The following PTK7 variants were observed in gnomAD, a reference collection of about 807,000 sequenced individuals.
PTK7 encodes the protein protein tyrosine kinase 7 (inactive), also known as inactive tyrosine-protein kinase 7.
PTK7 carries 39 observed loss-of-function variants against 116.6 expected under a neutral mutation model. The ratio of observed to expected loss-of-function variants is 0.33; its 90% CI spans 0.26 to 0.44. PTK7 has a LOEUF of 0.44. Among genes scored for constraint, PTK7 ranks in the 20% least tolerant of loss-of-function variants. The probability of loss-of-function intolerance (pLI) is 1.00; values close to 1 mark genes in which losing one functional copy is unlikely to be tolerated. For synonymous variants in PTK7, 546 were observed against 563.6 expected, an observed-to-expected ratio of 0.97 and a Z score of 0.44; for missense variants, 1,169 against 1,425.6, an observed-to-expected ratio of 0.82 and a Z score of 2.90.
Position 43,141,511 on chromosome 6 carries a change from G to A in PTK7, c.1619-157G>A, listed in dbSNP as rs1239378897. On this transcript the variant is annotated intron_variant, in intron 10 of 19. Transcript: ENST00000230419. The surrounding 1 kb of genome is among the most constrained non-coding windows in gnomAD (Gnocchi z 4.9). ...AAGAATTGGAAGAGGGGTAAATAAC[G>A]GAGGGGCTTCTAACACTTGGCTCAG... Among the ~76,000 whole-genome samples, 2 of 152,244 alleles carry A rather than the reference G, an allele frequency of 1.3e-5. No homozygotes were observed. The highest frequency in any genetic ancestry group is 4.8e-5 in the African/African-American group (2 of 41,544).
intron 1 of PTK7, among the ~76,000 whole-genome samples, chr6:43,081,438 C>T (rs1176212017): frequency 6.6e-6 from 1 of 152,062 alleles, no homozygotes; most frequent in African/African-American, 2.4e-5. Flanking sequence ...TGGAGTCTGC[C>T]TGTGTCTCCC....
chr6:43,082,299 C>A (rs1561929981), intron 1 of PTK7, among the ~76,000 whole-genome samples: 1 of 152,176 alleles, frequency 6.6e-6, no homozygotes. Context: ...CCTCAGCCTC[C>A]TGAGCAGCTG....
At chr6:43,082,083 A>G (rs1448040494) in intron 1 of PTK7, among the ~76,000 whole-genome samples, 1 of 152,222 alleles carries the variant, frequency 6.6e-6, no homozygotes, top group Admixed American at 6.5e-5. Context: ...GTAGGGGCCT[A>G]GAGTATCTAT....
chr6:43,155,341 A>G (rs937988777), intron 17 of PTK7, among the ~76,000 whole-genome samples: 1 of 152,130 alleles, frequency 6.6e-6, no homozygotes, highest in African/African-American at 2.4e-5. Context: ...GCATTAATAC[A>G]TACTTTTAAA....
intron 17 of PTK7, among the ~76,000 whole-genome samples, chr6:43,152,049 A>G (rs1042244425): frequency 1.3e-5 from 2 of 150,640 alleles, no homozygotes; most frequent in Admixed American, 1.3e-4. Context: ...GGGTTTCATC[A>G]TGTTAGCCAG....
intron 10 of PTK7, among the ~76,000 whole-genome samples, chr6:43,140,231 G>A (rs1008136906): frequency 1.2e-4 from 19 of 152,100 alleles, no homozygotes; most frequent in Admixed American, 2.0e-4. Context: ...GGTGGATCAC[G>A]AGGTCATGAG....
chr6:43,116,604 TTGTGTG>T (rs751605217), intron 1 of PTK7, among the ~76,000 whole-genome samples: 6,256 of 119,058 alleles, frequency 0.053, 166 homozygotes, highest in African/African-American at 0.066. Flanking sequence ...AAAAGCTGGT[TTGTGTG>T]TGTGTGTGTG....
chr6:43,143,426 T>G lies in PTK7; in HGVS notation c.2057T>G (p.Val686Gly). ...EAPLYVVDKPVPEESEGPGSP... is the reference protein window; with the variant it reads ...EAPLYVVDKPGPEESEGPGSP... ...TCTGTGTGTCTCTCAGACAAGCCTG[T>G]GCCGGAGGAGTCGGAGGGCCCTGGC... The change falls in exon 14 of 20, where the codon GTG becomes GGG. Residue 686 changes from valine (V) to glycine (G), a missense_variant. By Grantham distance (109) the Val-to-Gly change is moderately radical. Around this residue, in one of 3 missense-constraint regions of PTK7, gnomAD observed 678 missense variants for 853.8 expected, o/e 0.79. Coordinates refer to ENST00000230419, the MANE Select transcript of PTK7 (RefSeq NM_002821.5). This position sits in a 1 kb window ranked among gnomAD's most constrained non-coding sequence, Gnocchi z 4.2. 1 of 1,613,902 alleles carries G rather than the reference T, an allele frequency of 6.2e-7. No individual in the cohort carries two copies. Among genetic ancestry groups the G allele is most frequent in the South Asian group, 1.1e-5 (1 of 91,076 alleles).
intron 13 of PTK7, chr6:43,142,501 C>CA: frequency 1.2e-6 from 1 of 819,150 alleles, no homozygotes; most frequent in South Asian, 1.5e-5. Context: ...ATCCAACGGT[C>CA]GGTGTGTGTG....
At chr6:43,113,593 G>A (rs1324699299) in intron 1 of PTK7, among the ~76,000 whole-genome samples, 2 of 152,140 alleles carry the variant, frequency 1.3e-5, no homozygotes, top group Non-Finnish European at 2.9e-5. Flanking sequence ...TCAGAGCCCG[G>A]GCCTGGCCCT....
chr6:43,107,817 C>T (rs879066203), intron 1 of PTK7, among the ~76,000 whole-genome samples: 1 of 152,172 alleles, frequency 6.6e-6, no homozygotes, highest in South Asian at 2.1e-4. Context: ...ACAAATCGGC[C>T]GATATTTCCT....
rs558942383 is a variant in PTK7 at position 43,136,785 on chromosome 6, G to A, written c.1229-2064G>A. Among the ~76,000 whole-genome samples the A allele has an allele frequency of 2.0e-3, 299 of 152,208 alleles. 2 individuals carry two copies. The highest frequency in any genetic ancestry group is 3.6e-3 in the Non-Finnish European group (242 of 68,006). ...GGAGGCCAAGGTGGGAGGACTGCTT[G>A]AGCCTAGGAGTTTGAGACCAGCCTG... On this transcript the variant is annotated intron_variant, in intron 7 of 19. Transcript: ENST00000230419.
intron 17 of PTK7, among the ~76,000 whole-genome samples, chr6:43,151,465 G>C (rs1771077706): frequency 6.6e-6 from 1 of 151,348 alleles, no homozygotes; most frequent in Non-Finnish European, 1.5e-5. Context: ...GCCCGCCTCA[G>C]CCTCCCAAAG....
intron 1 of PTK7, among the ~76,000 whole-genome samples, chr6:43,096,827 G>T (rs1184433030): frequency 6.6e-6 from 1 of 152,224 alleles, no homozygotes; most frequent in Non-Finnish European, 1.5e-5. Flanking sequence ...TTCACTTCAG[G>T]CTAAGTGTTT....
At chr6:43,153,360 G>T (rs1771241745) in intron 17 of PTK7, among the ~76,000 whole-genome samples, 1 of 151,536 alleles carries the variant, frequency 6.6e-6, no homozygotes, top group South Asian at 2.1e-4. Context: ...TGATCTGCCT[G>T]CCTTGGCCTC....
chr6:43,138,892 G>T lies in PTK7; in HGVS notation c.1272G>T (p.Glu424Asp). 2 of 1,614,186 alleles carry T rather than the reference G, an allele frequency of 1.2e-6. No individual in the cohort carries two copies. The highest frequency in any genetic ancestry group is 2.2e-5 in the South Asian group (2 of 91,080). ...AGAAGCCCCAAGACAGCCAGCTGGA[G>T]GAGGGCAAACCCGGCTACTTGGATT... ...WLKKPQDSQL[E>D]EGKPGYLDCL... The change falls in exon 8 of 20, where the codon GAG becomes GAT. Residue 424 changes from glutamate (E) to aspartate (D), a missense_variant. Coordinates refer to ENST00000230419, the MANE Select transcript of PTK7 (RefSeq NM_002821.5).
chr6:43,109,083 C>T (rs1014100982), intron 1 of PTK7, among the ~76,000 whole-genome samples: 5 of 152,224 alleles, frequency 3.3e-5, no homozygotes, highest in African/African-American at 4.8e-5. Context: ...CATCACTGTA[C>T]ACTTACGGAT....
intron 1 of PTK7, chr6:43,077,135 G>A: frequency 1.0e-6 from 1 of 957,016 alleles, no homozygotes; most frequent in Non-Finnish European, 1.4e-6. Context: ...CTGCGGGTGA[G>A]GGCGGAAGAA....
At chr6:43,159,605 G>C (rs990312752) in intron 18 of PTK7, 183 bp from the exon 19 acceptor site, 1 of 616,320 alleles carries the variant, frequency 1.6e-6, no homozygotes, top group Non-Finnish European at 2.9e-6. Flanking sequence ...CTCTCGTGTG[G>C]TTACCTCCAG....
Sources: allele counts gnomAD v4.1 joint callset (sites outside exome capture counted in the v4.1 genomes callset), GRCh38; gene constraint gnomAD v4.1.1; regional missense constraint gnomAD v4.1.1; non-coding constraint Gnocchi (gnomAD v3.1); transcripts MANE v1.5; gene names NCBI Gene and HGNC (gene_info 2026-07-23, HGNC 2026-07-21).